The following PSAPL1 variants were observed in gnomAD, a reference collection of about 807,000 sequenced individuals.
PSAPL1 encodes the protein prosaposin like 1, also known as proactivator polypeptide-like 1.
For synonymous variants in PSAPL1, 351 were observed against 291.6 expected (o/e 1.20, Z -2.08); for missense variants, 814 against 688.8 (o/e 1.18, Z -2.03).
chr4:7,434,272 GT>G, the PSAPL1 span: 1 of 1,613,264 alleles, frequency 6.2e-7, no homozygotes, highest in Non-Finnish European at 8.5e-7. Flanking sequence ...GTCGGCCAAG[GT>G]CAAGTTGGAC....
In PSAPL1 at chr4:7,434,207, T is replaced by C; in HGVS notation, c.673A>G (p.Lys225Glu). The C allele has an allele frequency of 6.2e-7, 1 of 1,613,760 alleles. No individual in the cohort carries two copies. The highest frequency in any genetic ancestry group is 1.7e-5 in the Admixed American group (1 of 60,022). Residue 225 changes from lysine to glutamate, a missense_variant, in exon 1 of 1, where the codon AAG becomes GAG. Physicochemically the swap from Lys to Glu is moderately conservative, Grantham distance 56. Transcript: ENST00000319098. ...SLGPGLAVLCKNYLFQFFVPA... is the reference protein window; with the variant it reads ...SLGPGLAVLCENYLFQFFVPA... The stretch of plus-strand genomic sequence containing the variant: ...ACAAAAAACTGGAAGAGGTAGTTCT[T>C]GCAGAGGACGGCCAGGCCAGGCCCC...
Position 7,433,695 on chromosome 4 carries a change from G to C in PSAPL1, c.1185C>G (p.Phe395Leu), listed in dbSNP as rs767750949. 2.2e-5 allele frequency: 36 copies of C among 1,612,672 alleles called. No homozygotes were observed. Among genetic ancestry groups the C allele is most frequent in the Non-Finnish European group, 2.8e-5 (33 of 1,179,408 alleles). The change falls in exon 1 of 1, where the codon TTC becomes TTG. Residue 395 changes from phenylalanine (F) to leucine (L), a missense_variant. Phe to Leu is a conservative substitution (Grantham distance 22). Transcript: ENST00000319098. ...PEWDAENQGSFCNGCKRLLTV... is the reference protein window; with the variant it reads ...PEWDAENQGSLCNGCKRLLTV... ...TGAGCAGCCTCTTGCACCCATTGCA[G>C]AAGCTGCCCTGGTTCTCCGCGTCCC... is the stretch of plus-strand genomic sequence containing the variant.
chr4:7,434,554 C>T, the PSAPL1 span: 1 of 1,613,516 alleles, frequency 6.2e-7, no homozygotes, highest in Non-Finnish European at 8.5e-7. Flanking sequence ...ATCCACCATC[C>T]ACTTGCATCC....
At position 7,434,624 on chromosome 4, in the gene PSAPL1, C is replaced by T. The variant is rs1389627288; in HGVS notation, c.256G>A (p.Asp86Asn). Reference protein sequence around the residue: ...NGLNPDATESDILALVMKTCE... With the variant: ...NGLNPDATESNILALVMKTCE... ...GTCTTCATCACCAAAGCCAGGATGT[C>T]AGACTCCGTGGCGTCAGGGTTCAGC... Residue 86 changes from aspartate to asparagine, a missense_variant, in exon 1 of 1, where the codon GAC (aspartate) becomes AAC (asparagine). Physicochemically the swap from Asp to Asn is conservative, Grantham distance 23. Transcript: ENST00000319098. The T allele has an allele frequency of 6.2e-7, 1 of 1,613,342 alleles. No individual in the cohort carries two copies.
chr4:7,433,332 G>A lies in PSAPL1; in HGVS notation c.1548C>T (p.His516=). Reference sequence around the variant, plus strand: ...GCCACGGTCACGCGTGTTCCCCAGCGTGGAGGTGCATCTCTTTCCATACAT... The same window carrying A: ...GCCACGGTCACGCGTGTTCCCCAGCATGGAGGTGCATCTCTTTCCATACAT... ...QKHVWKEMHL[H]AGEHA The change falls in exon 1 of 1, where the codon CAC becomes CAT. Residue 516 remains histidine (H), a synonymous_variant. Coordinates refer to ENST00000319098, the MANE Select transcript of PSAPL1 (RefSeq NM_001085382.2). The A allele has an allele frequency of 2.1e-6, 3 of 1,421,478 alleles. No homozygotes were observed. The highest frequency in any genetic ancestry group is 2.6e-5 in the East Asian group (1 of 38,288). 88.1% of individuals were successfully genotyped at this position (1,421,478 alleles called of 1,614,324 possible).
chr4:7,433,248 T>C lies in PSAPL1; in HGVS notation c.*66A>G. The C allele has an allele frequency of 2.3e-6, 3 of 1,309,426 alleles. No individual in the cohort carries two copies. The highest frequency in any genetic ancestry group is 5.6e-5 in the South Asian group (2 of 35,978). The allele number at this position is 1,309,426 out of a possible 1,614,324, so 81.1% of individuals were successfully genotyped here. The stretch of plus-strand genomic sequence containing the variant: ...GAGCTTCAGTTTTTCATTTGTGAAA[T>C]GGGGATGGGGAAAGCACCCACCTCA... On this transcript the variant is annotated 3_prime_UTR_variant, in exon 1 of 1. Coordinates refer to ENST00000319098, the MANE Select transcript of PSAPL1 (RefSeq NM_001085382.2).
At position 7,433,741 on chromosome 4, in the gene PSAPL1, G is replaced by A. The variant is rs1364541912; in HGVS notation, c.1139C>T (p.Ala380Val). ...GTCCCACTCTGGGGACGGCACGATG[G>A]CATAGGCATCATGGACTGCCCGGGC... ...RRARAVHDAY[A>V]IVPSPEWDAE... Residue 380 changes from alanine (A) to valine (V), a missense_variant, in exon 1 of 1, where the codon GCC (alanine) becomes GTC (valine). By Grantham distance (64) the Ala-to-Val change is moderately conservative. Transcript: ENST00000319098. The A allele has an allele frequency of 6.2e-7, 1 of 1,613,282 alleles. No individual in the cohort carries two copies. Among genetic ancestry groups the A allele is most frequent in the Non-Finnish European group, 8.5e-7 (1 of 1,179,814 alleles).
At position 7,431,964 on chromosome 4, in the gene PSAPL1, T is replaced by A. The variant is rs974640363; in HGVS notation, c.*1350A>T. On this transcript the variant is annotated 3_prime_UTR_variant, in exon 1 of 1. Coordinates refer to ENST00000319098, the MANE Select transcript of PSAPL1 (RefSeq NM_001085382.2). ...TACCAGCTTCCACCCCCGGGACTCA[T>A]GTGTGCGGCTCCCAGATGTGTGAGC... The A allele has an allele frequency of 6.6e-6, 1 of 152,152 alleles. No homozygotes were observed. Among genetic ancestry groups the A allele is most frequent in the African/African-American group, 2.4e-5 (1 of 41,396 alleles). 9.4% of individuals were successfully genotyped at this position (152,152 alleles called of 1,614,324 possible). A position where few individuals can be genotyped will look rare whatever the true frequency, so the allele number is the denominator to read the frequency against.
At position 7,434,693 on chromosome 4, in the gene PSAPL1, G is replaced by A; in HGVS notation, c.187C>T (p.Pro63Ser). Residue 63 changes from proline (P) to serine (S), a missense_variant, in exon 1 of 1, where the codon CCC becomes TCC. Transcript: ENST00000319098. ...GCTATGTCCTGGCATACGTCGCAGG[G>A]CAGAGACTTCGCGGTGGGTTTGTTC... Reference protein sequence around the residue: ...VWNKPTAKSLPCDVCQDIAAA... With the variant: ...VWNKPTAKSLSCDVCQDIAAA... 3 of 1,613,020 alleles carry A rather than the reference G, an allele frequency of 1.9e-6. No homozygotes were observed. The highest frequency in any genetic ancestry group is 1.1e-5 in the South Asian group (1 of 90,824).
At position 7,434,220 on chromosome 4, in the gene PSAPL1, C is replaced by G; in HGVS notation, c.660G>C (p.Leu220=). ...AGAGGTAGTTCTTGCAGAGGACGGC[C>G]AGGCCAGGCCCCAAGGACTCACACT... ...QEQCESLGPG[L]AVLCKNYLFQ... is the part of the protein sequence containing the mutation. Residue 220 remains leucine, a synonymous_variant, in exon 1 of 1, where the codon CTG becomes CTC. Coordinates refer to ENST00000319098, the MANE Select transcript of PSAPL1 (RefSeq NM_001085382.2). 6.2e-7 allele frequency: 1 copy of G among 1,613,706 alleles called. No homozygotes were observed. Among genetic ancestry groups the G allele is most frequent in the Non-Finnish European group, 8.5e-7 (1 of 1,179,904 alleles).
rs1162872990 is a variant in PSAPL1, at chr4:7,434,268, C to T, written c.612G>A (p.Leu204=). Residue 204 remains leucine (L), a synonymous_variant, in exon 1 of 1, where the codon TTG becomes TTA. Transcript: ENST00000319098. ...LQEAVRSNLT[L]ADLNIQEQCE... ...ACTGCTCCTGGATGTTCAAGTCGGC[C>T]AAGGTCAAGTTGGACCGGACAGCCT... 2.5e-6 allele frequency: 4 copies of T among 1,613,288 alleles called. No homozygotes were observed. In the South Asian group the frequency reaches 4.4e-5, roughly 18 times the overall value.
At position 7,433,220 on chromosome 4, in the gene PSAPL1, T is replaced by C; in HGVS notation, c.*94A>G. The C allele has an allele frequency of 1.6e-6, 2 of 1,276,344 alleles. No individual in the cohort carries two copies. The highest frequency in any genetic ancestry group is 2.0e-6 in the Non-Finnish European group (2 of 994,804). The allele number at this position is 1,276,344 out of a possible 1,614,324, so 79.1% of individuals were successfully genotyped here. A position where few individuals can be genotyped will look rare whatever the true frequency, so the allele number is the denominator to read the frequency against. ...CTCTGCTCCTTCCCAGCCTCCCTCC[T>C]CAGAGCTTCAGTTTTTCATTTGTGA... On this transcript the variant is annotated 3_prime_UTR_variant, in exon 1 of 1. Transcript: ENST00000319098.
In PSAPL1 at chr4:7,433,433, C is replaced by A; in HGVS notation, c.1447G>T (p.Ala483Ser). The change falls in exon 1 of 1, where the codon GCC becomes TCC. Residue 483 changes from alanine to serine, a missense_variant. By Grantham distance (99) the Ala-to-Ser change is moderately conservative (BLOSUM62 1). Transcript: ENST00000319098. ...RTPLLGTDQC[A>S]LGPSFWCRSQ... is the part of the protein sequence containing the mutation. ...CTGCACCAGAAGCTTGGGCCCAGGG[C>A]ACACTGGTCGGTGCCCAGCAGTGGG... The A allele has an allele frequency of 6.5e-7, 1 of 1,529,062 alleles. No individual in the cohort carries two copies. Among genetic ancestry groups the A allele is most frequent in the East Asian group, 2.3e-5 (1 of 43,648 alleles). The allele number at this position is 1,529,062 out of a possible 1,614,324, so 94.7% of individuals were successfully genotyped here.
Position 7,434,836 on chromosome 4 carries a change from G to C in PSAPL1, c.44C>G (p.Thr15Ser). 1 of 1,593,492 alleles carries C rather than the reference G, an allele frequency of 6.3e-7. No individual in the cohort carries two copies. Among genetic ancestry groups the C allele is most frequent in the South Asian group, 1.1e-5 (1 of 88,208 alleles). The change falls in exon 1 of 1, where the codon ACC becomes AGC. Residue 15 changes from threonine (T) to serine (S), a missense_variant. Physicochemically the swap from Thr to Ser is moderately conservative, Grantham distance 58 (BLOSUM62 1). Transcript: ENST00000319098. Reference protein sequence around the residue: ...LLLLPSLLGATRASPTSGPQE... With the variant: ...LLLLPSLLGASRASPTSGPQE... ...GGGGCCTGAGGTGGGGCTGGCCCTGGTGGCCCCCAGGAGGCTGGGCAGGAG... is the reference window on the plus strand; with the variant it reads ...GGGGCCTGAGGTGGGGCTGGCCCTGCTGGCCCCCAGGAGGCTGGGCAGGAG...
Position 7,431,499 on chromosome 4 carries a change from G to A in PSAPL1, c.*1815C>T, listed in dbSNP as rs919186749. The stretch of plus-strand genomic sequence containing the variant: ...CTATGGCTCCATCCTGTCCCAGAGA[G>A]TGTGTCAGGTGGGAACACCTACCGG... On this transcript the variant is annotated 3_prime_UTR_variant, in exon 1 of 1. Coordinates refer to ENST00000319098, the MANE Select transcript of PSAPL1 (RefSeq NM_001085382.2). 2.0e-5 allele frequency: 3 copies of A among 152,330 alleles called. No homozygotes were observed. Among genetic ancestry groups the A allele is most frequent in the African/African-American group, 7.2e-5 (3 of 41,466 alleles). 9.4% of individuals were successfully genotyped at this position (152,330 alleles called of 1,614,324 possible).
chr4:7,434,771 G>A lies in PSAPL1; in HGVS notation c.109C>T (p.Leu37=), dbSNP rs766696623. The change falls in exon 1 of 1, where the codon CTG becomes TTG. Residue 37 remains leucine, a synonymous_variant. Coordinates refer to ENST00000319098, the MANE Select transcript of PSAPL1 (RefSeq NM_001085382.2). Reference sequence around the variant, plus strand: ...GCCCCGCACCTGGCAGCTGTCTGCAGATCCTGACACCACACCGTGGAGCCC... The same window carrying A: ...GCCCCGCACCTGGCAGCTGTCTGCAAATCCTGACACCACACCGTGGAGCCC... ...AKGSTVWCQD[L]QTAARCGAVG... 3 of 1,612,698 alleles carry A rather than the reference G, an allele frequency of 1.9e-6. No individual in the cohort carries two copies. Among genetic ancestry groups the A allele is most frequent in the African/African-American group, 2.7e-5 (2 of 75,050 alleles).
At chr4:7,433,893 AG>A in the PSAPL1 span, 1 of 1,613,826 alleles carries the variant, frequency 6.2e-7, no homozygotes, top group Non-Finnish European at 8.5e-7. Flanking sequence ...TGATAGAGGC[AG>A]GCATTACCGA....
In PSAPL1 at chr4:7,433,542, C is replaced by G. The variant is rs555665029; in HGVS notation, c.1338G>C (p.Glu446Asp). The G allele has an allele frequency of 1.2e-5, 20 of 1,610,340 alleles. No individual in the cohort carries two copies. The highest frequency in any genetic ancestry group is 8.4e-5 in the Admixed American group (5 of 59,620). Reference sequence around the variant, plus strand: ...CCTTGAGACTCTCAATGAGCACGGGCTCGTACTGGGTGACGAAGTGCTTGC... The same window carrying G: ...CCTTGAGACTCTCAATGAGCACGGGGTCGTACTGGGTGACGAAGTGCTTGC... ...IQCKHFVTQY[E>D]PVLIESLKDM... The change falls in exon 1 of 1, where the codon GAG becomes GAC. Residue 446 changes from glutamate (E) to aspartate (D), a missense_variant. Coordinates refer to ENST00000319098, the MANE Select transcript of PSAPL1 (RefSeq NM_001085382.2).
Position 7,433,325 on chromosome 4 carries a change from C to T in PSAPL1, c.1555G>A (p.Glu519Lys). The T allele has an allele frequency of 7.1e-7, 1 of 1,413,350 alleles. No homozygotes were observed. The highest frequency in any genetic ancestry group is 9.3e-7 in the Non-Finnish European group (1 of 1,080,222). The allele number at this position is 1,413,350 out of a possible 1,614,324, so 87.6% of individuals were successfully genotyped here. ...VWKEMHLHAG[E>K]HA ...TCTGGCAGCCACGGTCACGCGTGTT[C>T]CCCAGCGTGGAGGTGCATCTCTTTC... Residue 519 changes from glutamate to lysine, a missense_variant, in exon 1 of 1, where the codon GAA becomes AAA. Coordinates refer to ENST00000319098, the MANE Select transcript of PSAPL1 (RefSeq NM_001085382.2).
Sources: allele counts gnomAD v4.1 joint callset, GRCh38; gene constraint gnomAD v4.1.1; transcripts MANE v1.5; gene names NCBI Gene and HGNC (gene_info 2026-07-23, HGNC 2026-07-21).